Variants in MAD2L2 observed in about 807,000 individuals in gnomAD.
MAD2L2 encodes mitotic spindle assembly checkpoint protein MAD2B.
Under a neutral mutation model 30.5 loss-of-function variants are expected in MAD2L2, and 17 were observed. That is an observed-to-expected ratio of 0.56 (90% confidence interval 0.38 to 0.84). The LOEUF is 0.84. Ranked by LOEUF, MAD2L2 falls within the 40% of genes least tolerant of loss-of-function variation. MAD2L2 has a pLI of 0.00. For synonymous variants in MAD2L2, 101 were observed against 113.9 expected (o/e 0.89, Z 0.72); for missense variants, 213 against 277.4 (o/e 0.77, Z 1.65).
In MAD2L2 at chr1:11,676,147, G is replaced by T; in HGVS notation, c.333-7C>A. 1 of 1,575,496 alleles carries T rather than the reference G, an allele frequency of 6.3e-7. No homozygotes were observed. The highest frequency in any genetic ancestry group is 8.7e-7 in the Non-Finnish European group (1 of 1,155,458). Reference sequence around the variant, plus strand: ...AGACAACAGCGAGTCTGAGCTGGGAGTGAGAGGAGGTCTTCCCATCACACT... The same window carrying T: ...AGACAACAGCGAGTCTGAGCTGGGATTGAGAGGAGGTCTTCCCATCACACT... On this transcript the variant is annotated splice_region_variant and splice_polypyrimidine_tract_variant and intron_variant, in intron 5 of 8. Transcript: ENST00000376692.
At chr1:11,679,120 C>T (rs1262875552) in intron 3 of MAD2L2, among the ~76,000 whole-genome samples, 1 of 152,038 alleles carries the variant, frequency 6.6e-6, no homozygotes, top group Non-Finnish European at 1.5e-5. Context: ...GCCAAGATCA[C>T]GCCACTGCAC....
upstream of MAD2L2, chr1:11,681,739 T>A (rs2233006): frequency 0.27 from 40,433 of 152,226 alleles, 6,650 homozygotes; most frequent in East Asian, 0.54. Context: ...ATAGCTGACC[T>A]TTTTGGAGCT....
rs765547939 is a variant in MAD2L2, at chr1:11,687,119, G to C, written c.-692+4294C>G. Among the ~76,000 whole-genome samples, 7 of 152,114 alleles carry C rather than the reference G, an allele frequency of 4.6e-5. No individual in the cohort carries two copies. The highest frequency in any genetic ancestry group is 8.8e-5 in the Non-Finnish European group (6 of 68,030). Reference sequence around the variant, plus strand: ...CTCACTCTGTCATCTAGGCTGGAGTGCAGTGACGCAATCACAGCTCACTGA... The same window carrying C: ...CTCACTCTGTCATCTAGGCTGGAGTCCAGTGACGCAATCACAGCTCACTGA... On this transcript the variant is annotated intron_variant, in intron 1 of 10. Coordinates refer to the MAD2L2 transcript ENST00000235310. The surrounding 1 kb of genome is among the most constrained non-coding windows in gnomAD (Gnocchi z 4.1).
At chr1:11,676,693 C>G (rs779030293) in intron 5 of MAD2L2, 155 bp downstream of exon 5, 2 of 671,268 alleles carry the variant, frequency 3.0e-6, no homozygotes, top group Non-Finnish European at 5.3e-6. Context: ...CCCATCTCAG[C>G]TGCTCACAGG....
In MAD2L2 at chr1:11,676,080, G is replaced by A. The variant is rs764536092; in HGVS notation, c.393C>T (p.Ser131=). The A allele has an allele frequency of 1.2e-5, 20 of 1,612,788 alleles. No individual in the cohort carries two copies. Among genetic ancestry groups the A allele is most frequent in the African/African-American group, 1.2e-4 (9 of 74,894 alleles). ...TGTGGTCCAGGACGGCATCGCACAC[G>A]CTGATCTTCAGGATGAAGGCCCGGA... The part of the protein sequence containing the change: ...QLLRAFILKI[S]VCDAVLDHNP... Residue 131 remains serine (S), a synonymous_variant, in exon 6 of 9, where the codon AGC becomes AGT. Coordinates refer to ENST00000376692, the MANE Select transcript of MAD2L2 (RefSeq NM_006341.4).
chr1:11,678,355 G>A (rs1340654465), intron 3 of MAD2L2, among the ~76,000 whole-genome samples: 2 of 152,148 alleles, frequency 1.3e-5, no homozygotes, highest in African/African-American at 4.8e-5. Context: ...AGGTTGCAGT[G>A]AGCTGAGATC....
Position 11,687,294 on chromosome 1 carries a change from C to T in MAD2L2, c.-692+4119G>A, listed in dbSNP as rs942815488. ...TCTCTCTGCCACCCAGGCTGGAGGG[C>T]GGTGGTGCAATCTCGGCTCAATGAA... On this transcript the variant is annotated intron_variant, in intron 1 of 10. Transcript: ENST00000235310. The surrounding 1 kb of genome is among the most constrained non-coding windows in gnomAD (Gnocchi z 4.1). 3.9e-5 allele frequency among the ~76,000 whole-genome samples: 6 copies of T among 152,082 alleles called. No homozygotes were observed. Among genetic ancestry groups the T allele is most frequent in the African/African-American group, 1.2e-4 (5 of 41,412 alleles).
chr1:11,684,106 C>G (rs1383895228), upstream of MAD2L2, among the ~76,000 whole-genome samples: 3 of 150,374 alleles, frequency 2.0e-5, no homozygotes, highest in Non-Finnish European at 4.4e-5. Context: ...GCTTCAGTCT[C>G]ATTAGTGAAA....
chr1:11,685,579 T>TAA (rs1640943430), upstream of MAD2L2, among the ~76,000 whole-genome samples: 5 of 152,292 alleles, frequency 3.3e-5, 1 homozygote, highest in South Asian at 1.0e-3. Context: ...TGCTCATCTG[T>TAA]AAAATGGCAT....
intron 8 of MAD2L2, 75 bp downstream of exon 8, chr1:11,675,007 G>A: frequency 7.3e-7 from 1 of 1,367,988 alleles, no homozygotes; most frequent in Non-Finnish European, 1.0e-6. Context: ...AAGCCCTCTA[G>A]TAAGGCCTCA....
chr1:11,677,985 A>G (rs993003686), intron 3 of MAD2L2, among the ~76,000 whole-genome samples: 1 of 140,662 alleles, frequency 7.1e-6, no homozygotes, highest in South Asian at 2.4e-4. Context: ...TGAACCCGGG[A>G]GGCGGAGGTT....
upstream of MAD2L2, among the ~76,000 whole-genome samples, chr1:11,682,506 A>G (rs1045377814): frequency 7.2e-6 from 1 of 137,970 alleles, no homozygotes; most frequent in African/African-American, 2.7e-5. Flanking sequence ...GGGGAGAGAA[A>G]AAGTAACCTG....
At chr1:11,679,918 C>T (rs562902827) in intron 3 of MAD2L2, among the ~76,000 whole-genome samples, 4 of 149,694 alleles carry the variant, frequency 2.7e-5, no homozygotes, top group African/African-American at 9.9e-5. Flanking sequence ...CACTTTGGAA[C>T]TGGAAGGCAT....
rs1464270058 is a variant in MAD2L2, at chr1:11,690,512, C to A, written c.-692+901G>T. Among the ~76,000 whole-genome samples the A allele has an allele frequency of 6.6e-6, 1 of 152,160 alleles. No individual in the cohort carries two copies. The highest frequency in any genetic ancestry group is 1.5e-5 in the Non-Finnish European group (1 of 68,026). On this transcript the variant is annotated intron_variant, in intron 1 of 10. Transcript: ENST00000235310. The surrounding 1 kb of genome is among the most constrained non-coding windows in gnomAD (Gnocchi z 4.2). ...GAGCTCAGAGGTCAGGCGACTTGCT[C>A]GAGGTCATAGGGGACGGCATCAGAA...
At chr1:11,685,855 G>A (rs1283542530), upstream of MAD2L2, among the ~76,000 whole-genome samples, 1 of 152,080 alleles carries the variant, frequency 6.6e-6, no homozygotes, top group Non-Finnish European at 1.5e-5. Flanking sequence ...AGGGGGCTGA[G>A]GTGGGAGGAT....
In MAD2L2 at chr1:11,690,680, A is replaced by G. The variant is rs918013223; in HGVS notation, c.-692+733T>C. On this transcript the variant is annotated intron_variant, in intron 1 of 10. Coordinates refer to the MAD2L2 transcript ENST00000235310. The surrounding 1 kb of genome is among the most constrained non-coding windows in gnomAD (Gnocchi z 4.2). The stretch of plus-strand genomic sequence containing the variant: ...GCGCCAGGTGGGAGCGCTGCTTCCC[A>G]CATATGGGAGTCCGGCCCCATCGCT... Among the ~76,000 whole-genome samples the G allele has an allele frequency of 6.6e-6, 1 of 152,162 alleles. No homozygotes were observed. Among genetic ancestry groups the G allele is most frequent in the African/African-American group, 2.4e-5 (1 of 41,450 alleles).
chr1:11,680,770 C>A (rs371001006), intron 1 of MAD2L2, 157 bp from the exon 2 acceptor site: 22 of 1,355,084 alleles, frequency 1.6e-5, no homozygotes, highest in Admixed American at 3.5e-5. Context: ...CCTCCACCCC[C>A]ACGCTGGCGT....
Position 11,690,840 on chromosome 1 carries a change from C to T in MAD2L2, c.-692+573G>A, listed in dbSNP as rs1641048520. ...CCCCGCGCGGTGATGGATGAGCCGG[C>T]CCCAGCGCTGGCTTTGTCCGGGTTG... On this transcript the variant is annotated intron_variant, in intron 1 of 10. Coordinates refer to the MAD2L2 transcript ENST00000235310. This position sits in a 1 kb window ranked among gnomAD's most constrained non-coding sequence, Gnocchi z 4.2. Among the ~76,000 whole-genome samples, 1 of 152,196 alleles carries T rather than the reference C, an allele frequency of 6.6e-6. No homozygotes were observed. The highest frequency in any genetic ancestry group is 1.5e-5 in the Non-Finnish European group (1 of 68,030).
At chr1:11,680,822 GC>G (rs1274824379) in intron 1 of MAD2L2, 2 of 1,253,258 alleles carry the variant, frequency 1.6e-6, no homozygotes, top group East Asian at 3.2e-5. Flanking sequence ...GGCCGCCCGC[GC>G]CCCCTCGCCC....
Sources: gnomAD v4.1 joint callset for allele counts (sites outside exome capture counted in the v4.1 genomes callset) on GRCh38, gnomAD v4.1.1 for gene constraint, Gnocchi (gnomAD v3.1) non-coding constraint, MANE v1.5 for transcripts, NCBI Gene and HGNC (gene_info 2026-07-23, HGNC 2026-07-21) for gene names.